The following TRIM44 variants were observed in gnomAD, a reference collection of about 807,000 sequenced individuals.
TRIM44 encodes the protein tripartite motif containing 44.
Under a neutral mutation model 37.4 loss-of-function variants are expected in TRIM44, and 13 were observed. That is an observed-to-expected ratio of 0.35 (90% CI 0.23 to 0.55). The LOEUF (loss-of-function observed/expected upper bound fraction) is 0.55. Among genes scored for constraint, TRIM44 ranks in the 20% least tolerant of loss-of-function variants. The probability of loss-of-function intolerance (pLI) is 0.89; values close to 1 mark genes in which losing one functional copy is unlikely to be tolerated. For synonymous variants in TRIM44, 175 were observed against 157.2 expected, an observed-to-expected ratio of 1.11 and a Z score of -0.85; for missense variants, 426 against 437.2, an observed-to-expected ratio of 0.97 and a Z score of 0.23.
chr11:35,684,833 C>A (rs557838448), intron 1 of TRIM44, among the ~76,000 whole-genome samples: 35 of 152,200 alleles, frequency 2.3e-4, no homozygotes, highest in Non-Finnish European at 3.8e-4. Flanking sequence ...AATTAAATTT[C>A]AGACTATTTT....
intron 4 of TRIM44, among the ~76,000 whole-genome samples, chr11:35,791,931 G>A (rs1853217126): frequency 1.3e-5 from 2 of 152,150 alleles, no homozygotes; most frequent in South Asian, 4.1e-4. Flanking sequence ...TTCAGGAGGG[G>A]AGTGATACAA....
At chr11:35,707,384 G>C (rs533259934) in intron 2 of TRIM44, among the ~76,000 whole-genome samples, 2 of 152,162 alleles carry the variant, frequency 1.3e-5, no homozygotes, top group East Asian at 1.9e-4. Flanking sequence ...AGCTACCAAT[G>C]ACTTTCTTCA....
rs59791356 is a variant in TRIM44 at position 35,747,880 on chromosome 11, C to T, written c.1007+12435C>T. 8.6e-3 allele frequency among the ~76,000 whole-genome samples: 1,238 copies of T among 143,658 alleles called. 16 individuals are homozygous for T. Among genetic ancestry groups the T allele is most frequent in the African/African-American group, 0.03 (1,146 of 38,218 alleles). 94.2% of individuals were successfully genotyped at this position (143,658 alleles called of 152,430 possible). A position where few individuals can be genotyped will look rare whatever the true frequency, so the allele number is the denominator to read the frequency against. On this transcript the variant is annotated intron_variant, in intron 4 of 4. Coordinates refer to ENST00000299413, the MANE Select transcript of TRIM44 (RefSeq NM_017583.6). ...AGAACTGATAATTAACTGGGGGGTA[C>T]GGTGCGGGGCAGGGAGAAAAATGGG... is the stretch of plus-strand genomic sequence containing the variant.
intron 2 of TRIM44, among the ~76,000 whole-genome samples, chr11:35,696,063 TA>T (rs1851693569): frequency 6.6e-6 from 1 of 152,040 alleles, no homozygotes; most frequent in Non-Finnish European, 1.5e-5. Flanking sequence ...GTTAAAGGTT[TA>T]AAACACTTGA....
chr11:35,786,015 C>A (rs1227946161), intron 4 of TRIM44, among the ~76,000 whole-genome samples: 1 of 152,088 alleles, frequency 6.6e-6, no homozygotes, highest in African/African-American at 2.4e-5. Context: ...AGCCATGAAA[C>A]GAACTCAAGA....
intron 1 of TRIM44, among the ~76,000 whole-genome samples, chr11:35,676,076 C>T (rs1190285480): frequency 1.3e-5 from 2 of 152,160 alleles, no homozygotes; most frequent in African/African-American, 2.4e-5. Flanking sequence ...CTTAGCTCTT[C>T]CACCTACTAG....
At chr11:35,668,359 T>C (rs1851354316) in intron 1 of TRIM44, among the ~76,000 whole-genome samples, 1 of 152,198 alleles carries the variant, frequency 6.6e-6, no homozygotes, top group South Asian at 2.1e-4. Flanking sequence ...GATGCTCTCC[T>C]TCCTCCCACC....
At chr11:35,718,921 GC>G (rs1852069027) in intron 2 of TRIM44, among the ~76,000 whole-genome samples, 2 of 151,242 alleles carry the variant, frequency 1.3e-5, no homozygotes, top group African/African-American at 4.9e-5. Context: ...TTTTGGTGGG[GC>G]GGGGGGGTTG....
At chr11:35,685,648 G>A (rs556079254) in intron 2 of TRIM44, among the ~76,000 whole-genome samples, 2 of 152,194 alleles carry the variant, frequency 1.3e-5, no homozygotes, top group South Asian at 2.1e-4. Context: ...AGCCAAAGGC[G>A]TCTGAGAGAA....
intron 4 of TRIM44, among the ~76,000 whole-genome samples, chr11:35,760,836 A>G (rs1036225200): frequency 6.6e-6 from 1 of 152,184 alleles, no homozygotes; most frequent in Non-Finnish European, 1.5e-5. Flanking sequence ...TCAGAAATAC[A>G]GTATTTTATC....
At chr11:35,680,499 C>G (rs1184703166) in intron 1 of TRIM44, among the ~76,000 whole-genome samples, 1 of 151,854 alleles carries the variant, frequency 6.6e-6, no homozygotes, top group African/African-American at 2.4e-5. Context: ...GTACATACAA[C>G]CTACCTCATT....
At chr11:35,666,735 G>A (rs1851336874) in intron 1 of TRIM44, among the ~76,000 whole-genome samples, 1 of 152,100 alleles carries the variant, frequency 6.6e-6, no homozygotes, top group African/African-American at 2.4e-5. Context: ...CTCCAGCCTG[G>A]TCGACACGGC....
chr11:35,738,066 TTAC>T (rs1280722335), intron 4 of TRIM44, among the ~76,000 whole-genome samples: 2 of 152,152 alleles, frequency 1.3e-5, no homozygotes, highest in African/African-American at 4.8e-5. Context: ...AGCCCTAGAC[TTAC>T]TTTCCCAGAA....
intron 2 of TRIM44, among the ~76,000 whole-genome samples, chr11:35,708,278 G>A (rs1446387886): frequency 1.3e-5 from 2 of 152,236 alleles, no homozygotes; most frequent in African/African-American, 4.8e-5. Context: ...GAGAGGATGT[G>A]GAGAAATAGG....
chr11:35,711,158 A>C (rs1166376465), intron 2 of TRIM44, among the ~76,000 whole-genome samples: 1 of 152,228 alleles, frequency 6.6e-6, no homozygotes, highest in Non-Finnish European at 1.5e-5. Flanking sequence ...ACAAACCACA[A>C]AATTGTATAC....
chr11:35,773,231 C>T (rs766437916), intron 4 of TRIM44, among the ~76,000 whole-genome samples: 8 of 152,092 alleles, frequency 5.3e-5, no homozygotes, highest in Non-Finnish European at 1.2e-4. Context: ...TTGCCAGTCT[C>T]GGTTATGTCT....
chr11:35,806,565 G>A lies in TRIM44; in HGVS notation c.*180G>A. On this transcript the variant is annotated 3_prime_UTR_variant, in exon 5 of 5. Transcript: ENST00000299413. ...AGGGATGACCAGTTTTATGCTTACT[G>A]TGTGCTTCTCATCCCCTGGTTGTGG... 1.6e-6 allele frequency: 1 copy of A among 635,072 alleles called. No individual in the cohort carries two copies. The highest frequency in any genetic ancestry group is 2.8e-6 in the Non-Finnish European group (1 of 360,926). 39.3% of individuals were successfully genotyped at this position (635,072 alleles called of 1,614,324 possible).
chr11:35,686,868 G>T (rs1324146681), intron 2 of TRIM44, among the ~76,000 whole-genome samples: 1 of 152,168 alleles, frequency 6.6e-6, no homozygotes. Context: ...ACACTTTGTT[G>T]TGCAGCCATC....
At chr11:35,732,054 G>T (rs1852267848) in intron 3 of TRIM44, among the ~76,000 whole-genome samples, 1 of 152,120 alleles carries the variant, frequency 6.6e-6, no homozygotes, top group Admixed American at 6.5e-5. Flanking sequence ...ACTGTTTCTA[G>T]TATTTTGCTT....
Sources: gnomAD v4.1 joint callset for allele counts (sites outside exome capture counted in the v4.1 genomes callset) on GRCh38, gnomAD v4.1.1 for gene constraint, MANE v1.5 for transcripts, NCBI Gene and HGNC (gene_info 2026-07-23, HGNC 2026-07-21) for gene names.